Variants in FBXL20 observed in about 807,000 individuals in gnomAD.
The protein encoded by FBXL20 is F-box and leucine rich repeat protein 20.
Under a neutral mutation model 64.0 loss-of-function variants are expected in FBXL20, and 11 were observed. The observed-to-expected ratio is 0.17, with a 90% CI of 0.11 to 0.28. FBXL20 has a LOEUF of 0.28. FBXL20 is among the 10% of genes least tolerant of loss of function. The pLI is 1.00. For synonymous variants in FBXL20, 184 were observed against 189.0 expected (o/e 0.97, Z 0.22); for missense variants, 303 against 526.2 (o/e 0.58, Z 4.15).
intron 1 of FBXL20, among the ~76,000 whole-genome samples, chr17:39,393,932 C>T (rs1245280279): frequency 6.6e-6 from 1 of 152,166 alleles, no homozygotes; most frequent in Admixed American, 6.5e-5. Flanking sequence ...TCAATACCAC[C>T]ACCTATTGTT....
At chr17:39,348,003 A>G (rs904632323) in intron 1 of FBXL20, among the ~76,000 whole-genome samples, 20 of 150,308 alleles carry the variant, frequency 1.3e-4, no homozygotes, top group African/African-American at 4.9e-4. Context: ...TTTTTAGAAG[A>G]AAAAAAAAAT....
rs530016377 is a variant in FBXL20 at position 39,312,217 on chromosome 17, C to A, written c.105-8578G>T. 2.6e-5 allele frequency among the ~76,000 whole-genome samples: 4 copies of A among 152,070 alleles called. No individual in the cohort carries two copies. In the East Asian group the frequency reaches 5.8e-4, roughly 22 times the overall value. On this transcript the variant is annotated intron_variant, in intron 2 of 14. Transcript: ENST00000264658. Reference sequence around the variant, plus strand: ...GGATCACAAGGTCAGGAGTTTGAGACCAGCCTGGCCAACACAGTAAAACCC... The same window carrying A: ...GGATCACAAGGTCAGGAGTTTGAGAACAGCCTGGCCAACACAGTAAAACCC...
In FBXL20 at chr17:39,349,661, G is replaced by A. The variant is rs555203994; in HGVS notation, c.43-6420C>T. Among the ~76,000 whole-genome samples the A allele has an allele frequency of 8.5e-4, 129 of 152,258 alleles. 2 individuals carry two copies. The highest frequency in any genetic ancestry group is 2.7e-3 in the African/African-American group (112 of 41,558). ...ACAGTCAAGATGCAGTCAAGGCCAG[G>A]CGTAGTGGCTCACGCCTGTAATCCC... On this transcript the variant is annotated intron_variant, in intron 1 of 14. Coordinates refer to ENST00000264658, the MANE Select transcript of FBXL20 (RefSeq NM_032875.3).
Position 39,256,900 on chromosome 17 carries a change from A to G in FBXL20, c.*4560T>C, listed in dbSNP as rs1372165601. 1 of 152,130 alleles carries G rather than the reference A, an allele frequency of 6.6e-6. No homozygotes were observed. The highest frequency in any genetic ancestry group is 6.6e-5 in the Admixed American group (1 of 15,260). The allele number at this position is 152,130 out of a possible 1,614,324, so 9.4% of individuals were successfully genotyped here. On this transcript the variant is annotated 3_prime_UTR_variant, in exon 15 of 15. Coordinates refer to ENST00000264658, the MANE Select transcript of FBXL20 (RefSeq NM_032875.3). ...ACTCTCACACTTTCTAACAACTTCAAACCAAGACAGGTTTCATCACATATT... is the reference window on the plus strand; with the variant it reads ...ACTCTCACACTTTCTAACAACTTCAGACCAAGACAGGTTTCATCACATATT...
Position 39,324,845 on chromosome 17 carries a change from C to G in FBXL20, c.104+18335G>C, listed in dbSNP as rs945996690. Reference sequence around the variant, plus strand: ...ATGAAATCTCTTAATCCAAATCCAACTGATAAAAAATGAATGTCAATGATG... The same window carrying G: ...ATGAAATCTCTTAATCCAAATCCAAGTGATAAAAAATGAATGTCAATGATG... On this transcript the variant is annotated intron_variant, in intron 2 of 14. Coordinates refer to ENST00000264658, the MANE Select transcript of FBXL20 (RefSeq NM_032875.3). Among the ~76,000 whole-genome samples, 4 of 152,208 alleles carry G rather than the reference C, an allele frequency of 2.6e-5. No homozygotes were observed. The East Asian group carries it at 7.7e-4, about 29-fold the overall frequency.
chr17:39,323,697 G>A (rs955740606), intron 2 of FBXL20, among the ~76,000 whole-genome samples: 2 of 151,758 alleles, frequency 1.3e-5, no homozygotes, highest in Non-Finnish European at 2.9e-5. Context: ...AGGACACACC[G>A]ACCATTCCCT....
intron 1 of FBXL20, among the ~76,000 whole-genome samples, chr17:39,384,105 T>G (rs925159771): frequency 1.3e-5 from 2 of 151,932 alleles, no homozygotes; most frequent in African/African-American, 4.8e-5. Flanking sequence ...CATGGCAGCA[T>G]GCGCACATGG....
intron 6 of FBXL20, among the ~76,000 whole-genome samples, chr17:39,293,462 A>C (rs1268585299): frequency 6.6e-6 from 1 of 152,072 alleles, no homozygotes; most frequent in African/African-American, 2.4e-5. Context: ...ACTTCAGGTG[A>C]TCTGCCCACC....
At chr17:39,386,839 G>A (rs78215102) in intron 1 of FBXL20, among the ~76,000 whole-genome samples, 1 of 152,092 alleles carries the variant, frequency 6.6e-6, no homozygotes, top group Non-Finnish European at 1.5e-5. Context: ...CTACTTCCCA[G>A]ACTGATATTG....
At chr17:39,298,612 T>G (rs1489301857) in intron 5 of FBXL20, among the ~76,000 whole-genome samples, 1 of 151,972 alleles carries the variant, frequency 6.6e-6, no homozygotes, top group Non-Finnish European at 1.5e-5. Flanking sequence ...TCACAGCTAC[T>G]CAGGAGAGGG....
In FBXL20 at chr17:39,401,474, C is replaced by T; in HGVS notation, c.-72G>A. On this transcript the variant is annotated 5_prime_UTR_variant, in exon 1 of 15. Transcript: ENST00000264658. ...GCACAGACCGGGGGCCCAGGACAGG[C>T]CCGGGAGTTCCGGGACGGGGACTGG... 1.3e-6 allele frequency: 2 copies of T among 1,530,878 alleles called. No individual in the cohort carries two copies. Among genetic ancestry groups the T allele is most frequent in the East Asian group, 2.5e-5 (1 of 40,036 alleles). The allele number at this position is 1,530,878 out of a possible 1,614,324, so 94.8% of individuals were successfully genotyped here. A position where few individuals can be genotyped will look rare whatever the true frequency, so the allele number is the denominator to read the frequency against.
chr17:39,399,996 G>A (rs1024339294), intron 1 of FBXL20, among the ~76,000 whole-genome samples: 6 of 152,198 alleles, frequency 3.9e-5, no homozygotes, highest in African/African-American at 1.4e-4. Context: ...GTGACATTCT[G>A]GGTTTTTACG....
In FBXL20 at chr17:39,386,004, T is replaced by C. The variant is rs905662505; in HGVS notation, c.42+15357A>G. 6.5e-5 allele frequency among the ~76,000 whole-genome samples: 8 copies of C among 122,494 alleles called. No individual in the cohort carries two copies. In the Admixed American group the frequency reaches 8.3e-4, roughly 13 times the overall value. The allele number at this position is 122,494 out of a possible 152,430, so 80.4% of individuals were successfully genotyped here. Reference sequence around the variant, plus strand: ...AAGATCGCGCCACTGTACTCCAGCCTGACAACAGAGATTCCGTCTCAAAAA... The same window carrying C: ...AAGATCGCGCCACTGTACTCCAGCCCGACAACAGAGATTCCGTCTCAAAAA... On this transcript the variant is annotated intron_variant, in intron 1 of 14. Transcript: ENST00000264658.
chr17:39,393,621 A>G (rs1262901193), intron 1 of FBXL20, among the ~76,000 whole-genome samples: 1 of 152,214 alleles, frequency 6.6e-6, no homozygotes, highest in East Asian at 1.9e-4. Context: ...TAAATTCATT[A>G]TATTTCCACC....
rs1179406965 is a variant in FBXL20 at position 39,362,619 on chromosome 17, G to A, written c.43-19378C>T. On this transcript the variant is annotated intron_variant, in intron 1 of 14. Transcript: ENST00000264658. ...ATTACAGGCGTGAGCCACCACACCC[G>A]GCTTTTTTTTTTTTTCTGAGACAGA... Among the ~76,000 whole-genome samples the A allele has an allele frequency of 4.7e-5, 7 of 149,898 alleles. No individual in the cohort carries two copies. The South Asian group carries it at 1.1e-3, about 23-fold the overall frequency.
intron 2 of FBXL20, among the ~76,000 whole-genome samples, chr17:39,305,852 G>A (rs1015256100): frequency 1.3e-5 from 2 of 151,936 alleles, no homozygotes; most frequent in African/African-American, 2.4e-5. Flanking sequence ...AGGCGTGGTG[G>A]TGGGGGCGCT....
At chr17:39,353,921 G>A (rs1347156618) in intron 1 of FBXL20, among the ~76,000 whole-genome samples, 2 of 152,050 alleles carry the variant, frequency 1.3e-5, no homozygotes, top group Non-Finnish European at 2.9e-5. Flanking sequence ...ACCGCACCCA[G>A]CCTATTTTTA....
At chr17:39,275,150 C>A (rs777440052) in intron 9 of FBXL20, 50 bp from the exon 10 acceptor site, 40 of 1,528,294 alleles carry the variant, frequency 2.6e-5, no homozygotes, top group Middle Eastern at 3.5e-4. Context: ...CTTAGCAAAA[C>A]AAAAAAAGAA....
At chr17:39,273,405 T>G (rs1230796754) in intron 10 of FBXL20, among the ~76,000 whole-genome samples, 1 of 152,210 alleles carries the variant, frequency 6.6e-6, no homozygotes, top group Non-Finnish European at 1.5e-5. Flanking sequence ...GATTATTATA[T>G]GTAAGAAAAG....
Sources: allele counts gnomAD v4.1 joint callset (sites outside exome capture counted in the v4.1 genomes callset), GRCh38; gene constraint gnomAD v4.1.1; transcripts MANE v1.5; gene names NCBI Gene and HGNC (gene_info 2026-07-23, HGNC 2026-07-21).